The following DMD variants were observed in gnomAD, a reference collection of about 807,000 sequenced individuals.
The protein encoded by DMD is dystrophin, also known as mutant dystrophin.
DMD carries 63 observed loss-of-function variants against 330.1 expected under a neutral mutation model. The ratio of observed to expected loss-of-function variants is 0.19; its 90% confidence interval spans 0.16 to 0.24. The LOEUF is 0.24. Among genes scored for constraint, DMD ranks in the 10% least tolerant of loss-of-function variants. The probability of loss-of-function intolerance (pLI) is 1.00; values close to 1 mark genes in which losing one functional copy is unlikely to be tolerated. For synonymous variants in DMD, 1,223 were observed against 959.8 expected, an observed-to-expected ratio of 1.27 and a Z score of -5.07; for missense variants, 3,344 against 2,684.1, an observed-to-expected ratio of 1.25 and a Z score of -5.43.
At chrX:31,421,034 T>C (rs1345479326) in intron 60 of DMD, among the ~76,000 whole-genome samples, 2 of 112,224 alleles carry the variant, frequency 1.8e-5, no homozygotes, top group East Asian at 5.6e-4. Flanking sequence ...ACATGGACCA[T>C]TATGCAATAT....
chrX:33,009,257 T>C (rs772269238), intron 2 of DMD, among the ~76,000 whole-genome samples: 2 of 40,508 alleles, frequency 4.9e-5, no homozygotes, highest in African/African-American at 1.7e-4. Flanking sequence ...CATATATGTG[T>C]ATGTGTGTAT....
chrX:31,625,423 T>C (rs749176782), intron 55 of DMD, among the ~76,000 whole-genome samples: 7 of 111,629 alleles, frequency 6.3e-5, no homozygotes, highest in Non-Finnish European at 1.1e-4. Context: ...GAAAGTTATG[T>C]GTAATATGTG....
At chrX:32,381,948 CTCA>C (rs927471048) in intron 33 of DMD, among the ~76,000 whole-genome samples, 2 of 110,619 alleles carry the variant, frequency 1.8e-5, no homozygotes, top group African/African-American at 6.6e-5. Flanking sequence ...GGCAGAACAC[CTCA>C]TTTTTCTCAA....
chrX:32,191,160 GC>G, intron 44 of DMD, among the ~76,000 whole-genome samples: 1 of 111,474 alleles, frequency 9.0e-6, no homozygotes, highest in East Asian at 2.8e-4. Flanking sequence ...TATTTAGATG[GC>G]TTTTTGTTGA....
chrX:32,662,901 T>A (rs774916415), intron 9 of DMD, among the ~76,000 whole-genome samples: 1 of 111,974 alleles, frequency 8.9e-6, no homozygotes, highest in Admixed American at 9.5e-5. Flanking sequence ...CTTGAGTGAT[T>A]TTTCCCTCTG....
chrX:32,825,509 A>T (rs751734667), intron 4 of DMD, among the ~76,000 whole-genome samples: 132 of 112,214 alleles, frequency 1.2e-3, no homozygotes, highest in Non-Finnish European at 2.0e-3. Flanking sequence ...AGGCTCTAGC[A>T]ATTCTACCTC....
At position 32,670,073 on chromosome X, in the gene DMD, T is replaced by C. The variant is rs767008614; in HGVS notation, c.961-24921A>G. Among the ~76,000 whole-genome samples, 6 of 112,154 alleles carry C rather than the reference T, an allele frequency of 5.3e-5. No homozygotes were observed. The South Asian group carries it at 2.2e-3, about 42-fold the overall frequency. The stretch of plus-strand genomic sequence containing the variant: ...CATACTTGACTATCAAGGCTCATCA[T>C]TCAGTTATACCTTCTGCTACCTGCT... On this transcript the variant is annotated intron_variant, in intron 9 of 78. Coordinates refer to ENST00000357033, the MANE Select transcript of DMD (RefSeq NM_004006.3).
At chrX:32,485,517 G>A (rs936192471) in intron 20 of DMD, among the ~76,000 whole-genome samples, 18 of 109,224 alleles carry the variant, frequency 1.6e-4, no homozygotes, top group African/African-American at 6.0e-4. Context: ...TTTCATTTCT[G>A]CAAAATATAA....
intron 30 of DMD, among the ~76,000 whole-genome samples, chrX:32,410,442 A>G (rs1182187402): frequency 8.9e-6 from 1 of 112,130 alleles, no homozygotes; most frequent in African/African-American, 3.2e-5. Flanking sequence ...AACTCATGCT[A>G]TTGTGTATAC....
chrX:32,752,198 A>T (rs769495894), intron 7 of DMD, among the ~76,000 whole-genome samples: 91 of 111,352 alleles, frequency 8.2e-4, no homozygotes, highest in Non-Finnish European at 1.5e-3. Flanking sequence ...CTTGCAACAC[A>T]CACCGAGGAA....
chrX:31,442,871 C>T (rs1247851219), intron 60 of DMD, among the ~76,000 whole-genome samples: 3 of 111,082 alleles, frequency 2.7e-5, no homozygotes, highest in African/African-American at 6.5e-5. Context: ...TTGCTTTAGT[C>T]GATGCCACTT....
intron 1 of DMD, among the ~76,000 whole-genome samples, chrX:33,327,032 C>T (rs1263886972): frequency 8.9e-6 from 1 of 112,128 alleles, no homozygotes; most frequent in Non-Finnish European, 1.9e-5. Context: ...AAGCTTTATA[C>T]ATTTAAGGAA....
chrX:32,573,970 AC>A (rs1208323372), intron 13 of DMD, 124 bp from the exon 14 acceptor site: 2 of 543,267 alleles, frequency 3.7e-6, no homozygotes, highest in Non-Finnish European at 6.4e-6. Flanking sequence ...TGGAAGGGAC[AC>A]TCTTTCTGAT....
intron 2 of DMD, among the ~76,000 whole-genome samples, chrX:32,971,872 A>G (rs1416586237): frequency 9.0e-6 from 1 of 111,113 alleles, no homozygotes; most frequent in Non-Finnish European, 1.9e-5. Context: ...CCTAAAATTC[A>G]CAGAGGTTTG....
intron 47 of DMD, among the ~76,000 whole-genome samples, chrX:31,924,664 T>C (rs932172370): frequency 8.9e-6 from 1 of 112,105 alleles, no homozygotes; most frequent in Non-Finnish European, 1.9e-5. Context: ...AGGTTTGTTA[T>C]ATATGTTGTA....
At chrX:32,711,252 A>AGAG (rs1214139701) in intron 7 of DMD, among the ~76,000 whole-genome samples, 9 of 111,545 alleles carry the variant, frequency 8.1e-5, no homozygotes, top group Non-Finnish European at 1.5e-4. Flanking sequence ...CTTGACTCTG[A>AGAG]AATGTCGGCC....
rs748598265 is a variant in DMD at position 33,250,110 on chromosome X, T to TATATATATATATATATATATATATA, written c.7+89148_7+89149insTATATATATATATATATATATATAT. On this transcript the variant is annotated intron_variant, in intron 1 of 17. Transcript: ENST00000288447. ...TTATATATATATATATATATATATA[T>TATATATATATATATATATATATATA]ATCAATGTACACTTGTATGTATGTA... Among the ~76,000 whole-genome samples, 14 of 97,865 alleles carry TATATATATATATATATATATATATA rather than the reference T, an allele frequency of 1.4e-4. 2 individuals carry two copies. The highest frequency in any genetic ancestry group is 5.1e-4 in the African/African-American group (12 of 23,750). 85.0% of individuals were successfully genotyped at this position (97,865 alleles called of 115,157 possible).
At chrX:33,287,144 A>G (rs896800155) in intron 1 of DMD, among the ~76,000 whole-genome samples, 2 of 111,970 alleles carry the variant, frequency 1.8e-5, no homozygotes, top group African/African-American at 6.5e-5. Context: ...GAATGAATAT[A>G]CTATCACGCT....
At chrX:33,131,810 G>T (rs182350109) in intron 1 of DMD, among the ~76,000 whole-genome samples, 99 of 112,232 alleles carry the variant, frequency 8.8e-4, no homozygotes, top group African/African-American at 3.1e-3. Context: ...TGCTTACACT[G>T]TGTGTGGGTT....
Sources: gnomAD v4.1 joint callset for allele counts (sites outside exome capture counted in the v4.1 genomes callset) on GRCh38, gnomAD v4.1.1 for gene constraint, MANE v1.5 for transcripts, NCBI Gene and HGNC (gene_info 2026-07-23, HGNC 2026-07-21) for gene names.